The following ME3 variants were observed in gnomAD, a reference collection of about 807,000 sequenced individuals.
The protein encoded by ME3 is NADP-dependent malic enzyme, mitochondrial.
ME3 carries 48 observed loss-of-function variants against 68.9 expected under a neutral mutation model. The ratio of observed to expected loss-of-function variants is 0.70; its 90% confidence interval spans 0.55 to 0.89. The LOEUF (loss-of-function observed/expected upper bound fraction) is 0.89. ME3 is among the 40% of genes least tolerant of loss of function. The pLI is 0.00. For synonymous variants in ME3, 320 were observed against 318.8 expected (o/e 1.00, Z -0.04); for missense variants, 675 against 797.4 (o/e 0.85, Z 1.85).
intron 2 of ME3, among the ~76,000 whole-genome samples, chr11:86,667,361 C>T (rs1237864160): frequency 6.6e-6 from 1 of 152,184 alleles, no homozygotes; most frequent in Non-Finnish European, 1.5e-5. Flanking sequence ...AAATAATGCA[C>T]TCCTTCAGTT....
intron 2 of ME3, among the ~76,000 whole-genome samples, chr11:86,641,376 C>T (rs1944664811): frequency 6.6e-6 from 1 of 152,194 alleles, no homozygotes; most frequent in Admixed American, 6.5e-5. Flanking sequence ...AACTGCACTT[C>T]AGAGGCAAAG....
intron 2 of ME3, among the ~76,000 whole-genome samples, chr11:86,568,944 A>G (rs1017712341): frequency 5.9e-5 from 9 of 152,196 alleles, no homozygotes; most frequent in African/African-American, 1.9e-4. Flanking sequence ...TTAACATACA[A>G]TACCAATCCT....
rs372434061 is a variant in ME3, at chr11:86,601,200, T to C, written c.184-41377A>G. Among the ~76,000 whole-genome samples, 511 of 149,884 alleles carry C rather than the reference T, an allele frequency of 3.4e-3. 6 individuals are homozygous for C. Among genetic ancestry groups the C allele is most frequent in the African/African-American group, 0.012 (476 of 40,938 alleles). On this transcript the variant is annotated intron_variant, in intron 2 of 14. Transcript: ENST00000543262. ...GAAAGGATCAACAAAATTGATAGACTGCTAGCAAGACTAATAAAGAAAAAA... is the reference window on the plus strand; with the variant it reads ...GAAAGGATCAACAAAATTGATAGACCGCTAGCAAGACTAATAAAGAAAAAA...
intron 5 of ME3, 122 bp from the exon 6 acceptor site, chr11:86,498,246 G>T (rs1952493131): frequency 1.7e-6 from 2 of 1,188,312 alleles, no homozygotes; most frequent in Non-Finnish European, 2.3e-6. Context: ...CGGTGTGAAA[G>T]AGCTTGTCTG....
intron 7 of ME3, among the ~76,000 whole-genome samples, chr11:86,481,260 C>T (rs1385937944): frequency 1.4e-5 from 2 of 139,444 alleles, no homozygotes; most frequent in African/African-American, 5.4e-5. Context: ...ACTATGTTGC[C>T]TGGGCTGGTC....
intron 4 of ME3, among the ~76,000 whole-genome samples, chr11:86,553,159 G>T (rs566193810): frequency 1.6e-3 from 239 of 152,326 alleles, no homozygotes; most frequent in African/African-American, 3.9e-3. Context: ...CTCCACCAGA[G>T]CCCAGAACCT....
chr11:86,440,811 C>A (rs1948952285), downstream of ME3, among the ~76,000 whole-genome samples: 1 of 152,184 alleles, frequency 6.6e-6, no homozygotes, highest in South Asian at 2.1e-4. Flanking sequence ...TCTTGGGACT[C>A]AGTGTAAACA....
chr11:86,538,299 T>C (rs991191386), intron 4 of ME3, among the ~76,000 whole-genome samples: 1 of 152,202 alleles, frequency 6.6e-6, no homozygotes, highest in Non-Finnish European at 1.5e-5. Context: ...TTGCTTGTCA[T>C]ATGGCCTTAG....
chr11:86,536,319 A>C (rs1237756150), intron 4 of ME3, among the ~76,000 whole-genome samples: 1 of 148,684 alleles, frequency 6.7e-6, no homozygotes, highest in Non-Finnish European at 1.5e-5. Flanking sequence ...TCTGCACAGC[A>C]AAAGAAACTA....
At chr11:86,580,502 T>A (rs1665320671) in intron 2 of ME3, among the ~76,000 whole-genome samples, 1 of 152,210 alleles carries the variant, frequency 6.6e-6, no homozygotes, top group African/African-American at 2.4e-5. Context: ...AAATTTTAAT[T>A]TGCTTTTATA....
intron 2 of ME3, chr11:86,667,775 A>G (rs1946672543): frequency 6.6e-6 from 1 of 152,176 alleles, no homozygotes; most frequent in Non-Finnish European, 1.5e-5. Flanking sequence ...TGGAGGTCAG[A>G]AATATGTTGA....
chr11:86,550,842 TG>T (rs780362496), intron 4 of ME3, among the ~76,000 whole-genome samples: 2 of 152,096 alleles, frequency 1.3e-5, no homozygotes, highest in Non-Finnish European at 2.9e-5. Flanking sequence ...AGGTTGTCTT[TG>T]TTTTCCAGAG....
rs114562423 is a variant in ME3, at chr11:86,633,331, G to T, written c.183+38431C>A. On this transcript the variant is annotated intron_variant, in intron 2 of 14. Coordinates refer to ENST00000543262, the Ensembl canonical transcript of ME3. ...TTAACTCTCATACAGCCACATGAGG[G>T]GTGCTATTATTAACCCTATTTTGTA... is the stretch of plus-strand genomic sequence containing the variant. 3.4e-3 allele frequency among the ~76,000 whole-genome samples: 512 copies of T among 152,232 alleles called. 7 individuals carry two copies. Among genetic ancestry groups the T allele is most frequent in the African/African-American group, 0.012 (482 of 41,550 alleles).
chr11:86,503,058 G>A (rs1952831741), intron 5 of ME3, among the ~76,000 whole-genome samples: 1 of 151,660 alleles, frequency 6.6e-6, no homozygotes, highest in Admixed American at 6.6e-5. Flanking sequence ...CTCTTCTTCT[G>A]CTTCTCCCTC....
chr11:86,457,499 T>C, intron 8 of ME3: 2 of 1,051,632 alleles, frequency 1.9e-6, no homozygotes, highest in Non-Finnish European at 2.3e-6. Context: ...ATTTCTGCAC[T>C]TGGTACAGGC....
downstream of ME3, chr11:86,441,007 G>T: frequency 3.7e-6 from 1 of 270,748 alleles, no homozygotes; most frequent in Non-Finnish European, 6.9e-6. Context: ...ATGAGATTCT[G>T]CATTTCCCAC....
chr11:86,517,381 A>C (rs542088968), intron 4 of ME3, among the ~76,000 whole-genome samples: 1 of 152,368 alleles, frequency 6.6e-6, no homozygotes, highest in East Asian at 1.9e-4. Context: ...TGTGGGGGTC[A>C]GAGACACATG....
chr11:86,587,674 C>G (rs1228894642), intron 2 of ME3, among the ~76,000 whole-genome samples: 1 of 152,190 alleles, frequency 6.6e-6, no homozygotes, highest in Non-Finnish European at 1.5e-5. Flanking sequence ...AAAAAGCCGT[C>G]ATTCACGGTT....
At chr11:86,667,099 G>T (rs867103182) in intron 2 of ME3, among the ~76,000 whole-genome samples, 4 of 152,214 alleles carry the variant, frequency 2.6e-5, no homozygotes, top group Middle Eastern at 3.2e-3. Context: ...TGCTCTAAAT[G>T]TATCAAGTCC....
Sources: gnomAD v4.1 joint callset for allele counts (sites outside exome capture counted in the v4.1 genomes callset) on GRCh38, gnomAD v4.1.1 for gene constraint, MANE v1.5 for transcripts, NCBI Gene and HGNC (gene_info 2026-07-23, HGNC 2026-07-21) for gene names.